ELP3: variants seen among roughly 807,000 people sequenced by gnomAD.
ELP3 encodes the protein elongator complex protein 3.
In ELP3, 56 loss-of-function variants were observed where a neutral mutation model predicts 74.9. The observed-to-expected ratio is 0.75, with a 90% CI of 0.60 to 0.93. The LOEUF (loss-of-function observed/expected upper bound fraction) is 0.93, where lower values mean the gene tolerates loss of function less well. Ranked by LOEUF, ELP3 falls within the 40% of genes least tolerant of loss-of-function variation. The pLI is 0.00. For missense variants in ELP3, 573 were observed against 686.5 expected (o/e 0.83, Z 1.85); for synonymous variants, 222 against 239.8 (o/e 0.93, Z 0.68).
intron 10 of ELP3, among the ~76,000 whole-genome samples, chr8:28,139,858 T>C (rs1813158125): frequency 6.6e-6 from 1 of 152,136 alleles, no homozygotes; most frequent in Admixed American, 6.5e-5. Context: ...GGCAGGAGAA[T>C]CACTTGAACC....
chr8:28,123,967 C>T (rs1333021098), intron 7 of ELP3, among the ~76,000 whole-genome samples: 5 of 151,404 alleles, frequency 3.3e-5, no homozygotes, highest in African/African-American at 7.3e-5. Context: ...CCATTTTGCT[C>T]GTGTGTGCCT....
intron 7 of ELP3, among the ~76,000 whole-genome samples, chr8:28,123,275 A>G (rs1445013456): frequency 1.3e-5 from 2 of 152,220 alleles, no homozygotes; most frequent in African/African-American, 2.4e-5. Context: ...TATTTGATCC[A>G]TGGAATGTAT....
intron 14 of ELP3, among the ~76,000 whole-genome samples, chr8:28,177,706 C>A (rs943684933): frequency 6.6e-6 from 1 of 152,144 alleles, no homozygotes; most frequent in Admixed American, 6.5e-5. Context: ...TGGCCTATGT[C>A]CTAACAAGTA....
intron 14 of ELP3, among the ~76,000 whole-genome samples, chr8:28,173,812 C>G (rs1169252095): frequency 6.6e-6 from 1 of 151,912 alleles, no homozygotes; most frequent in South Asian, 2.1e-4. Flanking sequence ...TTTTGTCTTT[C>G]ATTTGCTGAA....
chr8:28,094,028 C>A (rs972023659), intron 1 of ELP3, among the ~76,000 whole-genome samples: 1 of 152,202 alleles, frequency 6.6e-6, no homozygotes, highest in African/African-American at 2.4e-5. Flanking sequence ...AAAATAAATA[C>A]ATCGTTAATC....
intron 1 of ELP3, among the ~76,000 whole-genome samples, chr8:28,094,028 C>T (rs972023659): frequency 2.6e-5 from 4 of 152,202 alleles, no homozygotes; most frequent in African/African-American, 9.7e-5. Flanking sequence ...AAAATAAATA[C>T]ATCGTTAATC....
At chr8:28,103,323 A>G (rs910847556) in intron 3 of ELP3, among the ~76,000 whole-genome samples, 1 of 152,218 alleles carries the variant, frequency 6.6e-6, no homozygotes, top group Non-Finnish European at 1.5e-5. Context: ...AATTGGAATC[A>G]TACAGCCTTT....
chr8:28,185,929 TG>T (rs1296091966), intron 14 of ELP3, among the ~76,000 whole-genome samples: 1 of 152,230 alleles, frequency 6.6e-6, no homozygotes, highest in Non-Finnish European at 1.5e-5. Context: ...AATAGTGGCT[TG>T]ACCTCATTTG....
chr8:28,140,858 A>G (rs4732830), intron 10 of ELP3, among the ~76,000 whole-genome samples: 92,407 of 152,072 alleles, frequency 0.61, 29,671 homozygotes, highest in East Asian at 0.93. Context: ...GTGATGTGCC[A>G]TTGGCCATGA....
At chr8:28,099,768 TC>T (rs1811397675) in intron 2 of ELP3, 59 bp from the exon 3 acceptor site, 1 of 1,590,984 alleles carries the variant, frequency 6.3e-7, no homozygotes, top group Admixed American at 1.7e-5. Flanking sequence ...TAGATCATCC[TC>T]TTGGTAGCTT....
At chr8:28,091,067 C>T (rs536858986), upstream of ELP3, among the ~76,000 whole-genome samples, 22 of 151,894 alleles carry the variant, frequency 1.4e-4, no homozygotes, top group Non-Finnish European at 2.6e-4. Context: ...CCACCACGCC[C>T]GGCTAATTTT....
chr8:28,123,781 T>C (rs553990956), intron 7 of ELP3, among the ~76,000 whole-genome samples: 1 of 152,118 alleles, frequency 6.6e-6, no homozygotes, highest in South Asian at 2.1e-4. Context: ...TCATGAGATG[T>C]CCTTCCGCAT....
At chr8:28,139,418 T>TAC (rs1238377521) in intron 10 of ELP3, among the ~76,000 whole-genome samples, 1 of 152,142 alleles carries the variant, frequency 6.6e-6, no homozygotes, top group Non-Finnish European at 1.5e-5. Context: ...AACATATAGG[T>TAC]ACATGTAGAA....
chr8:28,145,444 T>G (rs1262875455), intron 10 of ELP3, among the ~76,000 whole-genome samples: 3 of 152,242 alleles, frequency 2.0e-5, no homozygotes, highest in Non-Finnish European at 4.4e-5. Context: ...AATTATAGTT[T>G]ATTTATTTTT....
At position 28,132,405 on chromosome 8, in the gene ELP3, G is replaced by A; in HGVS notation, c.906+1G>A. ...AGAAAGAGACATTGAACAGTTCACA[G>A]TAAGTGTGACTTCAGCCAGGCGCAT... On this transcript the variant is annotated splice_donor_variant, in intron 9 of 14. Transcript: ENST00000256398. LOFTEE classifies it high-confidence loss of function. 1 of 1,614,044 alleles carries A rather than the reference G, an allele frequency of 6.2e-7. No individual in the cohort carries two copies. The highest frequency in any genetic ancestry group is 8.5e-7 in the Non-Finnish European group (1 of 1,179,930).
intron 10 of ELP3, among the ~76,000 whole-genome samples, chr8:28,139,319 G>A (rs1405708736): frequency 1.3e-5 from 2 of 152,098 alleles, no homozygotes; most frequent in Non-Finnish European, 1.5e-5. Context: ...TATCTTAGAA[G>A]TCAATTACAA....
chr8:28,110,348 T>A, intron 5 of ELP3, 22 bp from the exon 6 acceptor site: 1 of 1,601,886 alleles, frequency 6.2e-7, no homozygotes, highest in Non-Finnish European at 8.5e-7. Context: ...AATGTGGGCA[T>A]AACAATATTT....
At chr8:28,103,219 C>A (rs1313766741) in intron 3 of ELP3, among the ~76,000 whole-genome samples, 1 of 152,124 alleles carries the variant, frequency 6.6e-6, no homozygotes, top group African/African-American at 2.4e-5. Context: ...CTATTTGTCC[C>A]TTTCCCTCTG....
intron 8 of ELP3, 130 bp downstream of exon 8, chr8:28,129,793 G>A: frequency 1.9e-6 from 2 of 1,047,420 alleles, no homozygotes; most frequent in Admixed American, 2.3e-5. Context: ...CCTTTTCAGA[G>A]TTCTTTCTTC....
Sources: allele counts gnomAD v4.1 joint callset (sites outside exome capture counted in the v4.1 genomes callset), GRCh38; gene constraint gnomAD v4.1.1; transcripts MANE v1.5; gene names NCBI Gene and HGNC (gene_info 2026-07-23, HGNC 2026-07-21).